GRIK1: variants seen among roughly 807,000 people sequenced by gnomAD.
GRIK1 encodes glutamate ionotropic receptor kainate type subunit 1.
In GRIK1, 69 loss-of-function variants were observed where a neutral mutation model predicts 105.7. The observed-to-expected ratio is 0.65, with a 90% CI of 0.54 to 0.80. The LOEUF (loss-of-function observed/expected upper bound fraction) is 0.80. Among genes scored for constraint, GRIK1 ranks in the 30% least tolerant of loss-of-function variants. The probability of loss-of-function intolerance (pLI) is 0.00; values close to 1 mark genes in which losing one functional copy is unlikely to be tolerated. For missense variants in GRIK1, 1,109 were observed against 1,167.3 expected (o/e 0.95, Z 0.73); for synonymous variants, 438 against 431.3 (o/e 1.02, Z -0.19).
chr21:29,791,784 A>T (rs1042385891), intron 1 of GRIK1, among the ~76,000 whole-genome samples: 2 of 152,210 alleles, frequency 1.3e-5, no homozygotes, highest in African/African-American at 4.8e-5. Context: ...TGTAGAGAGG[A>T]AGAACCAAGA....
In GRIK1 at chr21:29,571,662, C is replaced by T. The variant is rs767671484; in HGVS notation, c.2130+5302G>A. Reference sequence around the variant, plus strand: ...GCCTAGCGACCAAATGTGAGGCATTCGAGTATTTTGTTTGATCATGGATCT... The same window carrying T: ...GCCTAGCGACCAAATGTGAGGCATTTGAGTATTTTGTTTGATCATGGATCT... On this transcript the variant is annotated intron_variant, in intron 14 of 17. Coordinates refer to ENST00000327783, the MANE Select transcript of GRIK1 (RefSeq NM_001330994.2). Among the ~76,000 whole-genome samples the T allele has an allele frequency of 7.9e-5, 12 of 152,268 alleles. No homozygotes were observed. In the East Asian group the frequency reaches 2.1e-3, roughly 27 times the overall value.
At chr21:29,742,286 T>C (rs1448049603) in intron 1 of GRIK1, among the ~76,000 whole-genome samples, 2 of 152,134 alleles carry the variant, frequency 1.3e-5, no homozygotes, top group Non-Finnish European at 2.9e-5. Flanking sequence ...TTTAATTGAG[T>C]CTCATGTTTT....
chr21:29,561,864 AAC>A lies in GRIK1; in HGVS notation c.2131-17_2131-16del. On this transcript the variant is annotated splice_polypyrimidine_tract_variant and intron_variant, in intron 14 of 17. Coordinates refer to ENST00000327783, the MANE Select transcript of GRIK1 (RefSeq NM_001330994.2). ...ATTTTTGATTTCTGGAGGGAAAGAA[AAC>A]ACACTCACCAGCAGAAGAGGGCTGG... 6.7e-7 allele frequency: 1 copy of A among 1,493,516 alleles called. No homozygotes were observed. The highest frequency in any genetic ancestry group is 9.3e-7 in the Non-Finnish European group (1 of 1,071,876). The allele number at this position is 1,493,516 out of a possible 1,614,324, so 92.5% of individuals were successfully genotyped here.
intron 16 of GRIK1, among the ~76,000 whole-genome samples, chr21:29,552,964 G>A (rs1030509771): frequency 6.6e-6 from 1 of 151,970 alleles, no homozygotes; most frequent in African/African-American, 2.4e-5. Flanking sequence ...TGTGGATCAC[G>A]GTTTTTAAAT....
chr21:29,817,769 G>A (rs976680746), intron 1 of GRIK1, among the ~76,000 whole-genome samples: 2 of 152,060 alleles, frequency 1.3e-5, no homozygotes, highest in Non-Finnish European at 2.9e-5. Flanking sequence ...CAAATCGCTG[G>A]TATTTAAGGG....
At chr21:29,639,960 T>C (rs1275190578) in intron 7 of GRIK1, among the ~76,000 whole-genome samples, 2 of 152,192 alleles carry the variant, frequency 1.3e-5, no homozygotes, top group Non-Finnish European at 2.9e-5. Context: ...GCTGGAAACA[T>C]GTGTCTGAAA....
intron 7 of GRIK1, among the ~76,000 whole-genome samples, chr21:29,632,022 G>A (rs1451924669): frequency 6.6e-6 from 1 of 151,978 alleles, no homozygotes; most frequent in African/African-American, 2.4e-5. Context: ...CATGCAGAAG[G>A]GATTGGACAA....
chr21:29,719,597 T>A (rs2064269980), intron 1 of GRIK1, among the ~76,000 whole-genome samples: 1 of 151,154 alleles, frequency 6.6e-6, no homozygotes, highest in Middle Eastern at 3.2e-3. Context: ...CTCACAGAGA[T>A]GATTTTTTTT....
intron 1 of GRIK1, among the ~76,000 whole-genome samples, chr21:29,857,435 A>G (rs468538): frequency 0.34 from 51,016 of 152,120 alleles, 9,577 homozygotes; most frequent in African/African-American, 0.5. Context: ...TGTTTCTTAC[A>G]ACAATGCATA....
At chr21:29,839,060 T>A (rs1174591449) in intron 1 of GRIK1, among the ~76,000 whole-genome samples, 1 of 150,828 alleles carries the variant, frequency 6.6e-6, no homozygotes, top group Non-Finnish European at 1.5e-5. Flanking sequence ...TTTTCTTTTC[T>A]TTTTTTTGAG....
chr21:29,560,357 T>TTCTC lies in GRIK1; in HGVS notation c.2356+1266_2356+1267insGAGA, dbSNP rs1555835104. ...TTTCTTTCTTTCTTTCTTTCTTTCT[T>TTCTC]TTTCTTTCTTCCTTCCTTCCTTCCT... On this transcript the variant is annotated intron_variant, in intron 15 of 17. Transcript: ENST00000327783. Among the ~76,000 whole-genome samples the TTCTC allele has an allele frequency of 1.5e-3, 89 of 58,188 alleles. 4 individuals are homozygous for TTCTC. Among genetic ancestry groups the TTCTC allele is most frequent in the African/African-American group, 6.6e-3 (80 of 12,050 alleles). The allele number at this position is 58,188 out of a possible 152,430, so 38.2% of individuals were successfully genotyped here. A position where few individuals can be genotyped will look rare whatever the true frequency, so the allele number is the denominator to read the frequency against.
chr21:29,707,496 C>T (rs1001624301), intron 1 of GRIK1, among the ~76,000 whole-genome samples: 9 of 134,192 alleles, frequency 6.7e-5, no homozygotes, highest in African/African-American at 2.5e-4. Flanking sequence ...TTGTTTGTTT[C>T]CTTCTTTCTT....
At chr21:29,918,367 A>G (rs1247968251) in intron 1 of GRIK1, among the ~76,000 whole-genome samples, 1 of 152,108 alleles carries the variant, frequency 6.6e-6, no homozygotes, top group African/African-American at 2.4e-5. Context: ...AGCGAAGTAG[A>G]CATAACCAAT....
intron 9 of GRIK1, among the ~76,000 whole-genome samples, chr21:29,593,383 T>C (rs1274950968): frequency 2.0e-5 from 3 of 152,220 alleles, no homozygotes; most frequent in Non-Finnish European, 4.4e-5. Flanking sequence ...TTAGGTTTCT[T>C]AATCTGGCTT....
chr21:29,642,968 G>A lies in GRIK1; in HGVS notation c.956C>T (p.Thr319Ile), dbSNP rs760507419. 3 of 1,612,956 alleles carry A rather than the reference G, an allele frequency of 1.9e-6. No homozygotes were observed. The highest frequency in any genetic ancestry group is 2.5e-6 in the Non-Finnish European group (3 of 1,179,502). The change falls in exon 7 of 18, where the codon ACT becomes ATT. Residue 319 changes from threonine to isoleucine, a missense_variant and splice_region_variant. Thr to Ile is a moderately conservative substitution (Grantham distance 89). Coordinates refer to ENST00000327783, the MANE Select transcript of GRIK1 (RefSeq NM_001330994.2). ...ETGLLDGMMTTEAALMYDAVY... is the reference protein window; with the variant it reads ...ETGLLDGMMTIEAALMYDAVY... ...AGCATCGTACATCAGAGCCGCTTCA[G>A]TCTGTGGAGGAAAACACACACCGCA...
At chr21:29,746,192 G>A (rs1450483489) in intron 1 of GRIK1, among the ~76,000 whole-genome samples, 1 of 152,204 alleles carries the variant, frequency 6.6e-6, no homozygotes, top group Non-Finnish European at 1.5e-5. Flanking sequence ...TCTGTGTGCT[G>A]ACTGTTATGT....
intron 1 of GRIK1, among the ~76,000 whole-genome samples, chr21:29,887,565 A>G (rs1569190826): frequency 1.3e-5 from 2 of 152,158 alleles, no homozygotes; most frequent in East Asian, 1.9e-4. Flanking sequence ...AACAACATAC[A>G]TAACCACCAG....
chr21:29,739,126 T>C, intron 1 of GRIK1, among the ~76,000 whole-genome samples: 1 of 152,182 alleles, frequency 6.6e-6, no homozygotes, highest in East Asian at 1.9e-4. Flanking sequence ...ATTAAAAATA[T>C]AATATAATGA....
chr21:29,707,322 C>A (rs1208207170), intron 1 of GRIK1, among the ~76,000 whole-genome samples: 2 of 152,094 alleles, frequency 1.3e-5, no homozygotes, highest in Non-Finnish European at 2.9e-5. Context: ...GTGAAACAAT[C>A]ACTATTAACA....
Sources: allele counts gnomAD v4.1 joint callset (sites outside exome capture counted in the v4.1 genomes callset), GRCh38; gene constraint gnomAD v4.1.1; transcripts MANE v1.5; gene names NCBI Gene and HGNC (gene_info 2026-07-23, HGNC 2026-07-21).